The following DYNC2I1 variants were observed in gnomAD, a reference collection of about 807,000 sequenced individuals.
DYNC2I1 encodes the protein cytoplasmic dynein 2 intermediate chain 1.
In DYNC2I1, 89 loss-of-function variants were observed where a neutral mutation model predicts 133.4. The ratio of observed to expected loss-of-function variants is 0.67; its 90% CI spans 0.56 to 0.80. DYNC2I1 has a LOEUF of 0.80. DYNC2I1 is among the 30% of genes least tolerant of loss of function. The probability of loss-of-function intolerance (pLI) is 0.00; values close to 1 mark genes in which losing one functional copy is unlikely to be tolerated. For synonymous variants in DYNC2I1, 504 were observed against 484.3 expected, an observed-to-expected ratio of 1.04 and a Z score of -0.54; for missense variants, 1,291 against 1,314.5, an observed-to-expected ratio of 0.98 and a Z score of 0.28.
At chr7:158,901,929 A>G in intron 9 of DYNC2I1, 113 bp downstream of exon 9, 1 of 817,162 alleles carries the variant, frequency 1.2e-6, no homozygotes, top group Non-Finnish European at 1.9e-6. Flanking sequence ...CCTAATACTC[A>G]ATATCTGGCT....
intron 7 of DYNC2I1, among the ~76,000 whole-genome samples, chr7:158,891,008 G>T (rs556957689): frequency 2.6e-5 from 4 of 152,246 alleles, no homozygotes; most frequent in Non-Finnish European, 5.9e-5. Context: ...CACTGCTACT[G>T]TGAAGCAGAT....
At chr7:158,863,557 G>T (rs1044999301) in intron 1 of DYNC2I1, among the ~76,000 whole-genome samples, 2 of 149,402 alleles carry the variant, frequency 1.3e-5, no homozygotes, top group Admixed American at 6.7e-5. Context: ...TGGGAGGAGC[G>T]GGACTTCCTT....
At chr7:158,843,493 C>T in the DYNC2I1 span, among the ~76,000 whole-genome samples, 1 of 152,210 alleles carries the variant, frequency 6.6e-6, no homozygotes, top group Non-Finnish European at 1.5e-5. Flanking sequence ...CTCCTGACCT[C>T]AAGTGATCTG....
chr7:158,891,223 C>A (rs754330388), intron 7 of DYNC2I1, 42 bp from the exon 8 acceptor site: 3 of 1,611,934 alleles, frequency 1.9e-6, no homozygotes, highest in African/African-American at 1.3e-5. Flanking sequence ...CCCTGGAGTC[C>A]CACCTGTGTC....
intron 12 of DYNC2I1, among the ~76,000 whole-genome samples, chr7:158,912,685 T>C (rs1366412638): frequency 6.6e-6 from 1 of 152,202 alleles, no homozygotes; most frequent in Non-Finnish European, 1.5e-5. Context: ...ATGTACCTTT[T>C]GAAATATATA....
intron 21 of DYNC2I1, among the ~76,000 whole-genome samples, chr7:158,933,695 TG>T (rs1246227389): frequency 6.6e-6 from 1 of 152,230 alleles, no homozygotes; most frequent in East Asian, 1.9e-4. Context: ...AAGATATGTT[TG>T]CAAATTGGGG....
Position 158,945,905 on chromosome 7 carries a change from A to C in DYNC2I1, c.*126A>C. On this transcript the variant is annotated 3_prime_UTR_variant, in exon 25 of 25. Transcript: ENST00000407559. This position sits in a 1 kb window ranked among gnomAD's most constrained non-coding sequence, Gnocchi z 4.1. ...ACTATGTATATTCTGTATATAATTT[A>C]TTTTACATGAATATGTCTTTGGTAT... The C allele has an allele frequency of 1.1e-6, 1 of 915,710 alleles. No homozygotes were observed. The highest frequency in any genetic ancestry group is 1.5e-6 in the Non-Finnish European group (1 of 675,140). 56.7% of individuals were successfully genotyped at this position (915,710 alleles called of 1,614,324 possible). A position where few individuals can be genotyped will look rare whatever the true frequency, so the allele number is the denominator to read the frequency against.
chr7:158,915,800 G>A (rs1262584066), intron 14 of DYNC2I1, among the ~76,000 whole-genome samples: 35 of 129,232 alleles, frequency 2.7e-4, no homozygotes, highest in African/African-American at 7.8e-4. Flanking sequence ...GTGAAACGTC[G>A]ACACGCTGGT....
intron 1 of DYNC2I1, among the ~76,000 whole-genome samples, chr7:158,866,746 G>A (rs1240519152): frequency 3.9e-5 from 6 of 152,124 alleles, no homozygotes; most frequent in South Asian, 4.2e-4. Flanking sequence ...TTAGCCGGGC[G>A]TGGTGGCGGG....
chr7:158,922,631 C>T (rs940788903), intron 16 of DYNC2I1, 82 bp downstream of exon 16: 18 of 1,386,094 alleles, frequency 1.3e-5, no homozygotes, highest in South Asian at 5.3e-5. Flanking sequence ...GGGAGAGTCA[C>T]GGAGAGAGGT....
chr7:158,891,225 A>G, intron 7 of DYNC2I1, 40 bp from the exon 8 acceptor site: 1 of 1,612,356 alleles, frequency 6.2e-7, no homozygotes, highest in Non-Finnish European at 8.5e-7. Context: ...CTGGAGTCCC[A>G]CCTGTGTCCT....
At chr7:158,880,124 C>A in intron 5 of DYNC2I1, 135 bp downstream of exon 5, 1 of 962,604 alleles carries the variant, frequency 1.0e-6, no homozygotes, top group Non-Finnish European at 1.5e-6. Flanking sequence ...AAACGCAACT[C>A]AAGTCTTGAT....
chr7:158,863,303 AT>A (rs1563072334), intron 1 of DYNC2I1, among the ~76,000 whole-genome samples: 1 of 152,092 alleles, frequency 6.6e-6, no homozygotes, highest in East Asian at 1.9e-4. Flanking sequence ...CAGAGTGCTG[AT>A]TGGTGCGTTT....
At chr7:158,889,758 C>T (rs1845008693) in intron 7 of DYNC2I1, among the ~76,000 whole-genome samples, 1 of 152,046 alleles carries the variant, frequency 6.6e-6, no homozygotes, top group Non-Finnish European at 1.5e-5. Context: ...AACCCCAACA[C>T]TTTGGGAGGC....
chr7:158,911,539 T>C lies in DYNC2I1; in HGVS notation c.1461-11T>C. 6.2e-7 allele frequency: 1 copy of C among 1,608,956 alleles called. No individual in the cohort carries two copies. The highest frequency in any genetic ancestry group is 8.5e-7 in the Non-Finnish European group (1 of 1,178,524). ...AGTTAATTTTTGTCTTGTTTCCAAT[T>C]TATTTCAAAGGATGCGAAGTACAAA... On this transcript the variant is annotated splice_polypyrimidine_tract_variant and intron_variant, in intron 11 of 24. Transcript: ENST00000407559.
chr7:158,933,072 G>A lies in DYNC2I1; in HGVS notation c.2547-1057G>A, dbSNP rs185367818. Among the ~76,000 whole-genome samples the A allele has an allele frequency of 4.0e-3, 601 of 151,540 alleles. 2 individuals are homozygous for A. Among genetic ancestry groups the A allele is most frequent in the African/African-American group, 0.013 (558 of 41,488 alleles). ...AGATGGAGGTAAGGATTTGGGAGTC[G>A]TCAACCAAGAGGTGGCATTTGCAGT... On this transcript the variant is annotated intron_variant, in intron 21 of 24. Coordinates refer to ENST00000407559, the MANE Select transcript of DYNC2I1 (RefSeq NM_018051.5).
intron 11 of DYNC2I1, among the ~76,000 whole-genome samples, chr7:158,910,449 A>T (rs1393671911): frequency 7.0e-6 from 1 of 143,228 alleles, no homozygotes; most frequent in Admixed American, 7.0e-5. Flanking sequence ...GCCGAGGGCA[A>T]TTGGCTATGT....
At chr7:158,889,111 C>A (rs1235856008) in intron 7 of DYNC2I1, among the ~76,000 whole-genome samples, 1 of 139,426 alleles carries the variant, frequency 7.2e-6, no homozygotes, top group Admixed American at 7.5e-5. Context: ...CATGGGGTCT[C>A]GCTTTGTCAC....
chr7:158,910,112 C>T lies in DYNC2I1; in HGVS notation c.1461-1438C>T, dbSNP rs1428900383. ...ATCTCTGCCCTTGCGAGTTTATATCCCAGTGAGGAGTAACAAACAAATATC... is the reference window on the plus strand; with the variant it reads ...ATCTCTGCCCTTGCGAGTTTATATCTCAGTGAGGAGTAACAAACAAATATC... On this transcript the variant is annotated intron_variant, in intron 11 of 24. Transcript: ENST00000407559. Among the ~76,000 whole-genome samples the T allele has an allele frequency of 5.9e-5, 9 of 152,344 alleles. No individual in the cohort carries two copies. The East Asian group carries it at 1.7e-3, about 29-fold the overall frequency.
Sources: gnomAD v4.1 joint callset for allele counts (sites outside exome capture counted in the v4.1 genomes callset) on GRCh38, gnomAD v4.1.1 for gene constraint, Gnocchi (gnomAD v3.1) non-coding constraint, MANE v1.5 for transcripts, NCBI Gene and HGNC (gene_info 2026-07-23, HGNC 2026-07-21) for gene names.